Variants in QPCT observed in about 807,000 individuals in gnomAD.
The protein encoded by QPCT is EC.
QPCT carries 44 observed loss-of-function variants against 43.4 expected under a neutral mutation model. That is an observed-to-expected ratio of 1.01 (90% CI 0.80 to 1.30). The LOEUF (loss-of-function observed/expected upper bound fraction) is 1.30. Ranked by LOEUF, QPCT falls within the 50% of genes most tolerant of loss-of-function variation. QPCT has a pLI of 0.00. For synonymous variants in QPCT, 168 were observed against 168.4 expected (o/e 1.00, Z 0.02); for missense variants, 526 against 436.5 (o/e 1.21, Z -1.83).
Position 37,352,818 on chromosome 2 carries a change from A to ATCGGCTCT in QPCT, c.156_163dup (p.Gln55LeufsTer23). On this transcript the variant is annotated frameshift_variant, in exon 2 of 7. Coordinates refer to ENST00000338415, the MANE Select transcript of QPCT (RefSeq NM_012413.4). LOFTEE classifies it high-confidence loss of function. ...ACCACCAGCCAGCCATTTTGAATTC[A>ATCGGCTCT]TCGGCTCTTCGGCAAATTGCAGAAG... is the stretch of plus-strand genomic sequence containing the variant. 1.2e-6 allele frequency: 2 copies of ATCGGCTCT among 1,614,174 alleles called. No individual in the cohort carries two copies. The highest frequency in any genetic ancestry group is 1.7e-6 in the Non-Finnish European group (2 of 1,179,992).
chr2:37,365,428 T>C (rs539506971), intron 3 of QPCT, among the ~76,000 whole-genome samples: 47 of 152,344 alleles, frequency 3.1e-4, no homozygotes, highest in African/African-American at 1.1e-3. Context: ...GCAGTTTCAG[T>C]ACACGGTGGA....
chr2:37,347,872 T>G (rs977675596), intron 1 of QPCT, among the ~76,000 whole-genome samples: 1 of 152,168 alleles, frequency 6.6e-6, no homozygotes, highest in Admixed American at 6.5e-5. Flanking sequence ...TTCGATAAAC[T>G]AAAAAGTCTG....
chr2:37,348,922 C>G (rs1237638976), intron 1 of QPCT, among the ~76,000 whole-genome samples: 2 of 152,174 alleles, frequency 1.3e-5, no homozygotes, highest in Admixed American at 6.5e-5. Flanking sequence ...GTTACTTTCC[C>G]CCTGCTGAGC....
At chr2:37,361,729 A>C (rs985034455) in intron 3 of QPCT, among the ~76,000 whole-genome samples, 3 of 152,202 alleles carry the variant, frequency 2.0e-5, no homozygotes, top group African/African-American at 7.2e-5. Context: ...ATGTATCCCA[A>C]GAAGATACAT....
At position 37,363,659 on chromosome 2, in the gene QPCT, TA is replaced by T. The variant is rs58100358; in HGVS notation, c.547-3552del. On this transcript the variant is annotated intron_variant, in intron 3 of 6. Coordinates refer to ENST00000338415, the MANE Select transcript of QPCT (RefSeq NM_012413.4). ...AATAAATAAATACTTTTTTAAAATG[TA>T]AAAAAAAAAAAAAAAAAAAATAGAA... Among the ~76,000 whole-genome samples the T allele has an allele frequency of 7.1e-3, 562 of 79,450 alleles. 3 individuals carry two copies. Among genetic ancestry groups the T allele is most frequent in the Middle Eastern group, 0.016 (2 of 124 alleles). The allele number at this position is 79,450 out of a possible 152,430, so 52.1% of individuals were successfully genotyped here.
chr2:37,350,846 A>G (rs1226331738), intron 1 of QPCT, among the ~76,000 whole-genome samples: 2 of 152,216 alleles, frequency 1.3e-5, no homozygotes, highest in African/African-American at 4.8e-5. Context: ...CAGTTTACAT[A>G]TGTTAGTTCA....
chr2:37,356,502 G>A (rs568875738), intron 2 of QPCT, among the ~76,000 whole-genome samples: 12 of 152,232 alleles, frequency 7.9e-5, no homozygotes, highest in Admixed American at 5.9e-4. Flanking sequence ...CCACAGCCAC[G>A]CACTCCCTGC....
At chr2:37,370,188 A>G (rs1408097973) in intron 5 of QPCT, among the ~76,000 whole-genome samples, 1 of 152,150 alleles carries the variant, frequency 6.6e-6, no homozygotes, top group African/African-American at 2.4e-5. Context: ...CCATCTCAAA[A>G]AAGAAAAAAA....
At chr2:37,371,449 A>AAG (rs1283262266) in intron 5 of QPCT, among the ~76,000 whole-genome samples, 2 of 151,514 alleles carry the variant, frequency 1.3e-5, no homozygotes, top group Admixed American at 6.6e-5. Context: ...AAAAAAAAAA[A>AAG]AAAGAAAAAG....
At chr2:37,347,200 TATATAAC>T (rs1258029087) in intron 1 of QPCT, among the ~76,000 whole-genome samples, 33 of 92,212 alleles carry the variant, frequency 3.6e-4, no homozygotes, top group Middle Eastern at 9.3e-3. Context: ...ATAACATATA[TATATAAC>T]ATATATATAA....
At chr2:37,367,173 A>T (rs77377312) in intron 3 of QPCT, 59 bp from the exon 4 acceptor site, 6 of 1,500,028 alleles carry the variant, frequency 4.0e-6, no homozygotes, top group Non-Finnish European at 5.4e-6. Flanking sequence ...ATAGAAAATC[A>T]TGCTATTTTT....
At chr2:37,369,250 A>G (rs1673024940) in intron 4 of QPCT, among the ~76,000 whole-genome samples, 1 of 152,250 alleles carries the variant, frequency 6.6e-6, no homozygotes, top group Admixed American at 6.5e-5. Flanking sequence ...CTACTTGATC[A>G]ATAAATAGTT....
intron 1 of QPCT, among the ~76,000 whole-genome samples, chr2:37,349,605 C>A (rs1672576519): frequency 6.6e-6 from 1 of 152,156 alleles, no homozygotes; most frequent in Non-Finnish European, 1.5e-5. Context: ...AGACAAGGAG[C>A]CACTGGTAAA....
At chr2:37,350,981 T>A (rs1225329030) in intron 1 of QPCT, among the ~76,000 whole-genome samples, 2 of 152,198 alleles carry the variant, frequency 1.3e-5, no homozygotes, top group Non-Finnish European at 2.9e-5. Flanking sequence ...GGTGCTGAGT[T>A]GAGAGGCTGA....
chr2:37,349,423 G>C (rs1315453315), intron 1 of QPCT, among the ~76,000 whole-genome samples: 3 of 152,200 alleles, frequency 2.0e-5, no homozygotes, highest in Non-Finnish European at 4.4e-5. Context: ...ATGCTTGGGG[G>C]AGGGGGCATT....
At chr2:37,353,765 G>T (rs1672673557) in intron 2 of QPCT, among the ~76,000 whole-genome samples, 1 of 152,198 alleles carries the variant, frequency 6.6e-6, no homozygotes, top group South Asian at 2.1e-4. Context: ...GAAGGAATGG[G>T]ACTGGCCCTT....
intron 1 of QPCT, among the ~76,000 whole-genome samples, chr2:37,345,419 G>A (rs1031906584): frequency 6.6e-6 from 1 of 152,212 alleles, no homozygotes; most frequent in East Asian, 1.9e-4. Flanking sequence ...TACTTCAAAA[G>A]CCTTTTTCCT....
At chr2:37,371,522 G>C (rs930786935) in intron 5 of QPCT, among the ~76,000 whole-genome samples, 1 of 151,648 alleles carries the variant, frequency 6.6e-6, no homozygotes. Context: ...GTTTTTGGTG[G>C]TAGTTAGGGC....
intron 4 of QPCT, chr2:37,368,263 C>A: frequency 4.1e-6 from 1 of 245,786 alleles, no homozygotes; most frequent in Non-Finnish European, 8.1e-6. Flanking sequence ...GAGTGCAACA[C>A]ACAGCCTCAT....
Sources: allele counts gnomAD v4.1 joint callset (sites outside exome capture counted in the v4.1 genomes callset), GRCh38; gene constraint gnomAD v4.1.1; transcripts MANE v1.5; gene names NCBI Gene and HGNC (gene_info 2026-07-23, HGNC 2026-07-21).